ARAP3: variants seen among roughly 807,000 people sequenced by gnomAD.
ARAP3 encodes the protein ArfGAP with RhoGAP domain, ankyrin repeat and PH domain 3, also known as arf-GAP with Rho-GAP domain, ANK repeat and PH domain-containing protein 3.
Under a neutral mutation model 169.2 loss-of-function variants are expected in ARAP3, and 82 were observed. That is an observed-to-expected ratio of 0.48 (90% CI 0.41 to 0.58). The LOEUF (loss-of-function observed/expected upper bound fraction) is 0.58, where lower values mean the gene tolerates loss of function less well. Among genes scored for constraint, ARAP3 ranks in the 20% least tolerant of loss-of-function variants. The pLI is 0.00. For synonymous variants in ARAP3, 791 were observed against 800.3 expected (o/e 0.99, Z 0.20); for missense variants, 1,764 against 2,018.0 (o/e 0.87, Z 2.41).
intron 26 of ARAP3, 27 bp downstream of exon 26, chr5:141,656,691 G>A: frequency 1.2e-6 from 2 of 1,613,116 alleles, no homozygotes; most frequent in Non-Finnish European, 1.7e-6. Flanking sequence ...AGACCTGGGG[G>A]ATGCTGGGCA....
rs200320547 is a variant in ARAP3, at chr5:141,672,969, G to C, written c.1093+44C>G. On this transcript the variant is annotated intron_variant, in intron 7 of 32. Transcript: ENST00000239440. This position sits in a 1 kb window ranked among gnomAD's most constrained non-coding sequence, Gnocchi z 4.9. The stretch of plus-strand genomic sequence containing the variant: ...CAGGTCAGTGGCTGTTGCTCACACA[G>C]CCTCCCTCCCTCCTGCCCTGACTCA... 6.2e-7 allele frequency: 1 copy of C among 1,612,866 alleles called. No individual in the cohort carries two copies. Among genetic ancestry groups the C allele is most frequent in the African/African-American group, 1.3e-5 (1 of 74,852 alleles).
At chr5:141,670,716 C>G in intron 13 of ARAP3, 88 bp from the exon 14 acceptor site, 1 of 1,127,154 alleles carries the variant, frequency 8.9e-7, no homozygotes, top group Non-Finnish European at 1.3e-6. Context: ...TGGAGAAAGA[C>G]AGTGGGACCT....
chr5:141,654,632 A>C (rs2099908958), intron 32 of ARAP3, among the ~76,000 whole-genome samples, 197 bp from the exon 33 acceptor site: 1 of 152,204 alleles, frequency 6.6e-6, no homozygotes, highest in Admixed American at 6.5e-5. Flanking sequence ...CCAGCATCAC[A>C]TAATGAGTGA....
At chr5:141,659,102 G>A (rs1348232640) in intron 23 of ARAP3, among the ~76,000 whole-genome samples, 1 of 152,008 alleles carries the variant, frequency 6.6e-6, no homozygotes, top group Non-Finnish European at 1.5e-5. Context: ...TTACTAACTC[G>A]TCCTTGGATC....
At chr5:141,669,663 G>C in intron 16 of ARAP3, 46 bp downstream of exon 16, 2 of 1,570,202 alleles carry the variant, frequency 1.3e-6, no homozygotes, top group Non-Finnish European at 1.8e-6. Flanking sequence ...AGCACGTGGG[G>C]ACAAGGAAAG....
Position 141,656,862 on chromosome 5 carries a change from G to C in ARAP3, c.3527-16C>G. 6.2e-7 allele frequency: 1 copy of C among 1,610,868 alleles called. No homozygotes were observed. Among genetic ancestry groups the C allele is most frequent in the Non-Finnish European group, 8.5e-7 (1 of 1,178,242 alleles). On this transcript the variant is annotated splice_polypyrimidine_tract_variant and intron_variant, in intron 25 of 32. Transcript: ENST00000239440. ...AGTGGCCGCTCTTAAGGGGAAAGGT[G>C]AGGGTTTATATATCAATCAGAATAT... is the stretch of plus-strand genomic sequence containing the variant.
In ARAP3 at chr5:141,671,819, T is replaced by C; in HGVS notation, c.1672-67A>G. 2 of 1,610,072 alleles carry C rather than the reference T, an allele frequency of 1.2e-6. No homozygotes were observed. Among genetic ancestry groups the C allele is most frequent in the East Asian group, 4.5e-5 (2 of 44,808 alleles). On this transcript the variant is annotated intron_variant, in intron 11 of 32. Coordinates refer to ENST00000239440, the MANE Select transcript of ARAP3 (RefSeq NM_022481.6). The surrounding 1 kb of genome is among the most constrained non-coding windows in gnomAD (Gnocchi z 4.9). ...AGAGTCCTCAGATGTTCCATTCCTG[T>C]CCCCAGGCTGGCCCAAGGCCTGCTT...
rs3214933 is a variant in ARAP3 at position 141,672,358 on chromosome 5, CT to C, written c.1386-58del. The C allele has an allele frequency of 0.16, 260,450 of 1,603,544 alleles. 22,995 individuals carry two copies. The highest frequency in any genetic ancestry group is 0.35 in the Admixed American group (20,691 of 59,524). ...GACCTACCTGCCATGTCCCATCCCCCTGGCTCTTCCTGCAGGAGCCACCACA... is the reference window on the plus strand; with the variant it reads ...GACCTACCTGCCATGTCCCATCCCCCGGCTCTTCCTGCAGGAGCCACCACA... On this transcript the variant is annotated intron_variant, in intron 9 of 32. Transcript: ENST00000239440. This position sits in a 1 kb window ranked among gnomAD's most constrained non-coding sequence, Gnocchi z 4.9.
In ARAP3 at chr5:141,655,344, A is replaced by T. The variant is rs1445627024; in HGVS notation, c.4149+18T>A. On this transcript the variant is annotated intron_variant, in intron 32 of 32. Coordinates refer to ENST00000239440, the MANE Select transcript of ARAP3 (RefSeq NM_022481.6). ...ACAGGGTTGACAGGCACACCGCTGG[A>T]GCAGGCACAATACTCACAAAGAACA... 6 of 1,571,692 alleles carry T rather than the reference A, an allele frequency of 3.8e-6. No individual in the cohort carries two copies. The Admixed American group carries it at 1.1e-4, about 29-fold the overall frequency.
chr5:141,666,202 T>C (rs2099910620), intron 17 of ARAP3, among the ~76,000 whole-genome samples: 1 of 151,968 alleles, frequency 6.6e-6, no homozygotes, highest in African/African-American at 2.4e-5. Context: ...ATTTTAAAGA[T>C]GAGGAAACTA....
rs557610578 is a variant in ARAP3, at chr5:141,662,961, G to C, written c.2801-706C>G. Among the ~76,000 whole-genome samples the C allele has an allele frequency of 2.6e-5, 4 of 152,284 alleles. No individual in the cohort carries two copies. The South Asian group carries it at 8.3e-4, about 32-fold the overall frequency. Reference sequence around the variant, plus strand: ...TTACACAGAAAAACACACAAAACAAGGATACATATTGATCACTTGACTAAA... The same window carrying C: ...TTACACAGAAAAACACACAAAACAACGATACATATTGATCACTTGACTAAA... On this transcript the variant is annotated intron_variant, in intron 19 of 32. Coordinates refer to ENST00000239440, the MANE Select transcript of ARAP3 (RefSeq NM_022481.6).
chr5:141,655,710 G>A lies in ARAP3; in HGVS notation c.4021C>T (p.Leu1341Phe), dbSNP rs2099909189. The change falls in exon 31 of 33, where the codon CTT becomes TTT. Residue 1341 changes from leucine to phenylalanine, a missense_variant. By Grantham distance (22) the Leu-to-Phe change is conservative. Around this residue, in one of 3 missense-constraint regions of ARAP3, gnomAD observed 1,112 missense variants for 1,285.7 expected, o/e 0.86. Coordinates refer to ENST00000239440, the MANE Select transcript of ARAP3 (RefSeq NM_022481.6). ...ATAGTGCCAAACTTCTGACGGGCAAGGTCAGAGGAGGAATGGCGTCGTAAG... is the reference window on the plus strand; with the variant it reads ...ATAGTGCCAAACTTCTGACGGGCAAAGTCAGAGGAGGAATGGCGTCGTAAG... ...VVLRRHSSSD[L>F]ARQKFGTMPL... is the part of the protein sequence containing the mutation. The A allele has an allele frequency of 1.2e-6, 2 of 1,614,108 alleles. No individual in the cohort carries two copies. Among genetic ancestry groups the A allele is most frequent in the African/African-American group, 1.3e-5 (1 of 74,938 alleles).
rs745940610 is a variant in ARAP3 at position 141,653,975 on chromosome 5, G to A, written c.4610C>T (p.Pro1537Leu). The change falls in exon 33 of 33, where the codon CCA (proline) becomes CTA (leucine). Residue 1537 changes from proline to leucine, a missense_variant. Pro to Leu is a moderately conservative substitution (Grantham distance 98). Coordinates refer to ENST00000239440, the MANE Select transcript of ARAP3 (RefSeq NM_022481.6). ...FPTQPPCTSS[P>L]PSSQPLT ...TCATGTGAGGGGCTGGCTGGAGGGTGGACTGGAAGTGCATGGGGGTTGGGT... is the reference window on the plus strand; with the variant it reads ...TCATGTGAGGGGCTGGCTGGAGGGTAGACTGGAAGTGCATGGGGGTTGGGT... The A allele has an allele frequency of 5.2e-6, 8 of 1,534,898 alleles. No individual in the cohort carries two copies. Among genetic ancestry groups the A allele is most frequent in the Non-Finnish European group, 7.0e-6 (8 of 1,141,756 alleles).
intron 4 of ARAP3, among the ~76,000 whole-genome samples, chr5:141,678,845 C>T (rs2099912574): frequency 6.6e-6 from 1 of 152,088 alleles, no homozygotes; most frequent in Non-Finnish European, 1.5e-5. Context: ...TACCTTTTAA[C>T]GTTCTATAGT....
chr5:141,677,977 C>T (rs1418661020), intron 4 of ARAP3, among the ~76,000 whole-genome samples: 2 of 150,154 alleles, frequency 1.3e-5, no homozygotes, highest in Non-Finnish European at 3.0e-5. Context: ...AGACGGAGTC[C>T]TGCTTTGTTG....
At chr5:141,667,527 G>A (rs528310256) in intron 16 of ARAP3, among the ~76,000 whole-genome samples, 42 of 149,216 alleles carry the variant, frequency 2.8e-4, no homozygotes, top group East Asian at 8.2e-4. Flanking sequence ...TCTGCCTCCC[G>A]GGTTCAAGAG....
Position 141,666,514 on chromosome 5 carries a change from G to T in ARAP3, c.2482C>A (p.Arg828Ser). The T allele has an allele frequency of 1.2e-6, 2 of 1,604,318 alleles. No individual in the cohort carries two copies. The highest frequency in any genetic ancestry group is 8.5e-7 in the Non-Finnish European group (1 of 1,175,624). Residue 828 changes from arginine to serine, a missense_variant, in exon 17 of 33, where the codon CGT becomes AGT. Around this residue, in one of 3 missense-constraint regions of ARAP3, gnomAD observed 1,112 missense variants for 1,285.7 expected, o/e 0.86. Transcript: ENST00000239440. ...GLWLSGFGLL[R>S]GDHLFLCSAP... is the part of the protein sequence containing the mutation. ...GAGCACAGGAAGAGGTGGTCACCAC[G>T]AAGGAGGCCAAACCCTGACAGCCAG...
chr5:141,664,723 G>A (rs1261459559), intron 19 of ARAP3, among the ~76,000 whole-genome samples, 199 bp downstream of exon 19: 3 of 152,186 alleles, frequency 2.0e-5, no homozygotes, highest in Non-Finnish European at 4.4e-5. Flanking sequence ...CCATTTTACA[G>A]ATGATGGAAC....
Position 141,671,566 on chromosome 5 carries a change from C to T in ARAP3, c.1854+4G>A. The T allele has an allele frequency of 1.2e-6, 2 of 1,613,960 alleles. No individual in the cohort carries two copies. Among genetic ancestry groups the T allele is most frequent in the Non-Finnish European group, 1.7e-6 (2 of 1,179,910 alleles). ...CCAGATCACCCCTGCTCTGTCCCTC[C>T]TACCTGGAGAAGCTGGCTATGATCT... On this transcript the variant is annotated splice_donor_region_variant and intron_variant, in intron 12 of 32. Coordinates refer to ENST00000239440, the MANE Select transcript of ARAP3 (RefSeq NM_022481.6). This position sits in a 1 kb window ranked among gnomAD's most constrained non-coding sequence, Gnocchi z 4.9.
Sources: allele counts gnomAD v4.1 joint callset (sites outside exome capture counted in the v4.1 genomes callset), GRCh38; gene constraint gnomAD v4.1.1; regional missense constraint gnomAD v4.1.1; non-coding constraint Gnocchi (gnomAD v3.1); transcripts MANE v1.5; gene names NCBI Gene and HGNC (gene_info 2026-07-23, HGNC 2026-07-21).